Variants in MIPOL1 observed in about 807,000 individuals in gnomAD.
MIPOL1 encodes mirror-image polydactyly 1, also known as mirror-image polydactyly gene 1 protein.
A neutral mutation model predicts 60.9 loss-of-function variants in MIPOL1; 57 were observed. The observed-to-expected ratio is 0.94, with a 90% confidence interval of 0.76 to 1.17. MIPOL1 has a LOEUF of 1.17. Ranked by LOEUF, MIPOL1 falls within the 50% of genes most tolerant of loss-of-function variation. The pLI, the probability that MIPOL1 is intolerant of heterozygous loss-of-function variation, is 0.00. For missense variants in MIPOL1, 551 were observed against 511.6 expected (o/e 1.08, Z -0.74); for synonymous variants, 179 against 168.8 (o/e 1.06, Z -0.47).
chr14:37,313,015 C>G (rs1488152869), intron 9 of MIPOL1, among the ~76,000 whole-genome samples: 1 of 152,126 alleles, frequency 6.6e-6, no homozygotes, highest in Non-Finnish European at 1.5e-5. Context: ...TAGGAGCCAT[C>G]TAGTTAAATT....
At chr14:37,241,560 G>T (rs1029761817) in intron 1 of MIPOL1, among the ~76,000 whole-genome samples, 4 of 148,410 alleles carry the variant, frequency 2.7e-5, no homozygotes, top group Non-Finnish European at 6.0e-5. Flanking sequence ...TCTATTACGG[G>T]TGCGGCAGGG....
chr14:37,369,834 A>AT, intron 10 of MIPOL1: 1 of 305,454 alleles, frequency 3.3e-6, no homozygotes, highest in Non-Finnish European at 6.0e-6. Context: ...CATTTTCTGA[A>AT]TTTTGAGTGG....
intron 11 of MIPOL1, among the ~76,000 whole-genome samples, chr14:37,435,285 G>A (rs1008128866): frequency 1.3e-5 from 2 of 151,952 alleles, no homozygotes; most frequent in Non-Finnish European, 2.9e-5. Context: ...CCATCCCAGG[G>A]CCCTGCCATG....
At chr14:37,363,385 A>G (rs1950521) in intron 9 of MIPOL1, among the ~76,000 whole-genome samples, 151,269 of 152,310 alleles carry the variant, frequency 0.99, 75,126 homozygotes, top group Middle Eastern at 1. Context: ...CTGCAGGTCC[A>G]TTGGAGTTTG....
intron 1 of MIPOL1, among the ~76,000 whole-genome samples, chr14:37,200,012 GC>G (rs1289051834): frequency 6.6e-6 from 1 of 152,106 alleles, no homozygotes; most frequent in Non-Finnish European, 1.5e-5. Flanking sequence ...TTTCATTTTA[GC>G]CATTCTAGTA....
chr14:37,429,312 T>C (rs374427950), intron 11 of MIPOL1, among the ~76,000 whole-genome samples: 2 of 152,206 alleles, frequency 1.3e-5, no homozygotes, highest in Non-Finnish European at 2.9e-5. Flanking sequence ...TTAAAGTGTT[T>C]AGACAAGAAT....
At chr14:37,509,507 A>T (rs1380853719) in intron 12 of MIPOL1, among the ~76,000 whole-genome samples, 3 of 151,910 alleles carry the variant, frequency 2.0e-5, no homozygotes, top group Non-Finnish European at 2.9e-5. Context: ...ATAGAACAGG[A>T]TAGATGACTC....
At chr14:37,308,567 C>G in intron 9 of MIPOL1, 48 bp downstream of exon 9, 1 of 1,359,734 alleles carries the variant, frequency 7.4e-7, no homozygotes, top group Non-Finnish European at 9.6e-7. Flanking sequence ...ATTTTCCTCT[C>G]TATTTTTTTA....
At chr14:37,324,255 T>G (rs2088914240) in intron 9 of MIPOL1, among the ~76,000 whole-genome samples, 1 of 152,050 alleles carries the variant, frequency 6.6e-6, no homozygotes. Context: ...ATTGTAGCTA[T>G]TTTAGTAGGC....
intron 12 of MIPOL1, among the ~76,000 whole-genome samples, chr14:37,513,640 T>C (rs1045865076): frequency 2.6e-5 from 4 of 152,162 alleles, no homozygotes; most frequent in African/African-American, 9.6e-5. Flanking sequence ...TCTTTAAACC[T>C]AGACTCTGTA....
chr14:37,272,698 A>T (rs2083381583), intron 6 of MIPOL1, among the ~76,000 whole-genome samples: 1 of 151,604 alleles, frequency 6.6e-6, no homozygotes, highest in South Asian at 2.1e-4. Flanking sequence ...AATAATCCAC[A>T]TATGCATGGA....
At chr14:37,421,770 A>C (rs931375895) in intron 10 of MIPOL1, among the ~76,000 whole-genome samples, 6 of 151,374 alleles carry the variant, frequency 4.0e-5, no homozygotes, top group African/African-American at 1.5e-4. Flanking sequence ...AGCATTCTGT[A>C]AAGTTCACTT....
intron 10 of MIPOL1, among the ~76,000 whole-genome samples, chr14:37,378,653 A>G (rs562595640): frequency 1.5e-4 from 20 of 136,502 alleles, no homozygotes; most frequent in African/African-American, 5.0e-4. Context: ...GGAGGGAGGG[A>G]GGGAAGGAAA....
chr14:37,269,312 C>T (rs60287404), intron 5 of MIPOL1, among the ~76,000 whole-genome samples: 2 of 151,938 alleles, frequency 1.3e-5, no homozygotes, highest in South Asian at 2.1e-4. Flanking sequence ...ATCTTCTGTT[C>T]TGACTCTTAT....
chr14:37,312,493 A>G (rs1437828646), intron 9 of MIPOL1, among the ~76,000 whole-genome samples: 1 of 152,182 alleles, frequency 6.6e-6, no homozygotes, highest in Non-Finnish European at 1.5e-5. Context: ...GTCACATTCC[A>G]TATAGATATT....
chr14:37,365,754 G>T (rs1160195784), intron 9 of MIPOL1, among the ~76,000 whole-genome samples: 7 of 151,954 alleles, frequency 4.6e-5, no homozygotes, highest in African/African-American at 1.2e-4. Context: ...CTCTTCTTCT[G>T]TTTTCCAGAA....
chr14:37,219,872 C>A (rs1968446202), intron 1 of MIPOL1, among the ~76,000 whole-genome samples: 1 of 149,784 alleles, frequency 6.7e-6, no homozygotes, highest in Non-Finnish European at 1.5e-5. Flanking sequence ...TTATGTTTAG[C>A]TAGTAAGTTG....
intron 1 of MIPOL1, among the ~76,000 whole-genome samples, chr14:37,201,523 A>G (rs942091819): frequency 6.6e-6 from 1 of 152,166 alleles, no homozygotes; most frequent in Non-Finnish European, 1.5e-5. Flanking sequence ...TAGTTATTGT[A>G]ATATTTTAAG....
At chr14:37,242,170 T>C (rs1175339090) in intron 1 of MIPOL1, among the ~76,000 whole-genome samples, 1 of 151,898 alleles carries the variant, frequency 6.6e-6, no homozygotes, top group African/African-American at 2.4e-5. Flanking sequence ...TTAGAAGTAA[T>C]ACATGCACCC....
Sources: allele counts gnomAD v4.1 joint callset (sites outside exome capture counted in the v4.1 genomes callset), GRCh38; gene constraint gnomAD v4.1.1; transcripts MANE v1.5; gene names NCBI Gene and HGNC (gene_info 2026-07-23, HGNC 2026-07-21).